VPS13A: variants seen among roughly 807,000 people sequenced by gnomAD.
The protein encoded by VPS13A is vacuolar protein sorting 13 homolog A, also known as intermembrane lipid transfer protein VPS13A.
In VPS13A, 264 loss-of-function variants were observed where a neutral mutation model predicts 390.9. That is an observed-to-expected ratio of 0.68 (90% CI 0.61 to 0.75). The LOEUF is 0.75. VPS13A is among the 30% of genes least tolerant of loss of function. The pLI is 0.00. For synonymous variants in VPS13A, 1,231 were observed against 1,227.1 expected (o/e 1.00, Z -0.07); for missense variants, 3,409 against 3,733.9 (o/e 0.91, Z 2.27).
intron 17 of VPS13A, among the ~76,000 whole-genome samples, chr9:77,232,564 G>A (rs1391857990): frequency 6.6e-6 from 1 of 152,190 alleles, no homozygotes; most frequent in East Asian, 1.9e-4. Flanking sequence ...AGATACCTGA[G>A]ACTGGGTAAT....
chr9:77,268,112 T>G (rs1012200664), intron 23 of VPS13A, among the ~76,000 whole-genome samples: 1 of 152,182 alleles, frequency 6.6e-6, no homozygotes, highest in African/African-American at 2.4e-5. Flanking sequence ...GGGAGTGGGA[T>G]CCGCTGAGCA....
At chr9:77,232,020 G>A (rs1823860220) in intron 17 of VPS13A, among the ~76,000 whole-genome samples, 1 of 152,134 alleles carries the variant, frequency 6.6e-6, no homozygotes, top group South Asian at 2.1e-4. Context: ...TTTCCTCAAT[G>A]AACACTCCTG....
At position 77,221,312 on chromosome 9, in the gene VPS13A, T is replaced by G; in HGVS notation, c.1117T>G (p.Leu373Val). 1.2e-6 allele frequency: 2 copies of G among 1,613,318 alleles called. No homozygotes were observed. The highest frequency in any genetic ancestry group is 1.7e-6 in the Non-Finnish European group (2 of 1,179,482). ...KQYKELYKKK[L>V]TSKKPPGELL... ...ATATAAAGAACTGTATAAAAAAAAG[T>G]TAACAAGTAAGAAGCCACCTGGTGA... The change falls in exon 13 of 72, where the codon TTA (leucine) becomes GTA (valine). Residue 373 changes from leucine (L) to valine (V), a missense_variant. By Grantham distance (32) the Leu-to-Val change is conservative. Around this residue, in one of 5 missense-constraint regions of VPS13A, gnomAD observed 2,717 missense variants for 2,917.4 expected, o/e 0.93. Coordinates refer to ENST00000360280, the MANE Select transcript of VPS13A (RefSeq NM_033305.3).
intron 68 of VPS13A, chr9:77,384,490 C>A: frequency 1.3e-6 from 2 of 1,553,158 alleles, no homozygotes; most frequent in Non-Finnish European, 1.8e-6. Flanking sequence ...AAATTATTCT[C>A]ACTCTTTGAA....
At chr9:77,358,739 A>G (rs1831957245) in intron 57 of VPS13A, among the ~76,000 whole-genome samples, 2 of 152,356 alleles carry the variant, frequency 1.3e-5, no homozygotes, top group African/African-American at 2.4e-5. Flanking sequence ...TGAATGAACA[A>G]TAAGGAAGTT....
intron 1 of VPS13A, among the ~76,000 whole-genome samples, chr9:77,186,082 C>T (rs2131059434): frequency 6.6e-6 from 1 of 152,314 alleles, no homozygotes; most frequent in Middle Eastern, 3.4e-3. Context: ...TGTGCCACTT[C>T]ACTCTAGCCT....
At chr9:77,354,945 T>C (rs573362098) in intron 54 of VPS13A, among the ~76,000 whole-genome samples, 1 of 152,286 alleles carries the variant, frequency 6.6e-6, no homozygotes, top group African/African-American at 2.4e-5. Context: ...CATTTCCTCT[T>C]ACCTACTTGA....
intron 13 of VPS13A, among the ~76,000 whole-genome samples, chr9:77,224,998 C>T (rs1207952523): frequency 6.6e-6 from 1 of 152,152 alleles, no homozygotes; most frequent in Non-Finnish European, 1.5e-5. Context: ...TCGTTGATGG[C>T]TCAGATGATT....
intron 68 of VPS13A, among the ~76,000 whole-genome samples, chr9:77,401,425 C>CCAAGA (rs1423982810): frequency 1.3e-5 from 2 of 149,800 alleles, no homozygotes; most frequent in African/African-American, 4.9e-5. Flanking sequence ...ATTTTTATAT[C>CCAAGA]CAAGAATAAG....
At chr9:77,198,513 G>C (rs749057913) in intron 1 of VPS13A, among the ~76,000 whole-genome samples, 8 of 152,120 alleles carry the variant, frequency 5.3e-5, no homozygotes, top group African/African-American at 1.9e-4. Context: ...TTTTGGATTA[G>C]TGATGCCCAG....
intron 33 of VPS13A, among the ~76,000 whole-genome samples, chr9:77,302,587 G>A (rs1311546402): frequency 6.6e-6 from 1 of 151,650 alleles, no homozygotes; most frequent in Non-Finnish European, 1.5e-5. Context: ...TGGCCAGGCT[G>A]GTCTCAAACT....
chr9:77,313,294 T>G (rs1428051826), intron 35 of VPS13A, among the ~76,000 whole-genome samples: 1 of 152,224 alleles, frequency 6.6e-6, no homozygotes, highest in Non-Finnish European at 1.5e-5. Context: ...GGGAACTTTC[T>G]GGAGGGATAT....
chr9:77,237,130 C>T lies in VPS13A; in HGVS notation c.1596-872C>T, dbSNP rs183519749. Among the ~76,000 whole-genome samples, 591 of 151,984 alleles carry T rather than the reference C, an allele frequency of 3.9e-3. 3 individuals carry two copies. Among genetic ancestry groups the T allele is most frequent in the Middle Eastern group, 0.017 (5 of 292 alleles). ...GTCTCGATCTCTTGACCTCGTGATC[C>T]GCCTGCCTCAGCCTCCCAAAGTGCT... On this transcript the variant is annotated intron_variant, in intron 17 of 71. Coordinates refer to ENST00000360280, the MANE Select transcript of VPS13A (RefSeq NM_033305.3).
chr9:77,376,836 A>G (rs1833105546), intron 67 of VPS13A, among the ~76,000 whole-genome samples: 1 of 152,200 alleles, frequency 6.6e-6, no homozygotes, highest in Non-Finnish European at 1.5e-5. Context: ...ATGAGACTGA[A>G]AAGAGAAAAA....
intron 68 of VPS13A, among the ~76,000 whole-genome samples, chr9:77,402,186 A>T (rs1563993423): frequency 6.6e-6 from 1 of 152,134 alleles, no homozygotes; most frequent in South Asian, 2.1e-4. Flanking sequence ...TCAATATTTT[A>T]TAATCATTGA....
At chr9:77,372,240 A>G (rs961217853) in intron 67 of VPS13A, among the ~76,000 whole-genome samples, 6 of 151,648 alleles carry the variant, frequency 4.0e-5, no homozygotes, top group African/African-American at 7.3e-5. Context: ...GACTTCCACA[A>G]TGGTTGAACT....
At chr9:77,357,316 CAAAAAAAAAAAA>C (rs1156801817) in intron 55 of VPS13A, among the ~76,000 whole-genome samples, 29 of 44,604 alleles carry the variant, frequency 6.5e-4, no homozygotes, top group African/African-American at 2.5e-3. Context: ...GACTCTGTCT[CAAAAAAAAAAAA>C]AAAAAAAAAA....
At position 77,195,216 on chromosome 9, in the gene VPS13A, C is replaced by T. The variant is rs556970766; in HGVS notation, c.101-4729C>T. The stretch of plus-strand genomic sequence containing the variant: ...TCGGCTCACTGGAAACTCCGCTTCC[C>T]GGGTTCACGCCATTCTGCTGCCTCA... On this transcript the variant is annotated intron_variant, in intron 1 of 71. Coordinates refer to ENST00000360280, the MANE Select transcript of VPS13A (RefSeq NM_033305.3). Among the ~76,000 whole-genome samples the T allele has an allele frequency of 6.4e-4, 98 of 152,160 alleles. 1 individual carries two copies. The highest frequency in any genetic ancestry group is 1.2e-4 in the Non-Finnish European group (8 of 68,000).
At chr9:77,350,970 GGAAA>G (rs1453675377) in intron 52 of VPS13A, 3 of 269,748 alleles carry the variant, frequency 1.1e-5, no homozygotes, top group Non-Finnish European at 2.1e-5. Context: ...CCAATACTTA[GGAAA>G]GAGTTACCAA....
Sources: gnomAD v4.1 joint callset for allele counts (sites outside exome capture counted in the v4.1 genomes callset) on GRCh38, gnomAD v4.1.1 for gene constraint, gnomAD v4.1.1 regional missense constraint, MANE v1.5 for transcripts, NCBI Gene and HGNC (gene_info 2026-07-23, HGNC 2026-07-21) for gene names.